Variants in PACSIN2 observed in about 807,000 individuals in gnomAD.
PACSIN2 encodes the protein protein kinase C and casein kinase substrate in neurons protein 2.
PACSIN2 carries 25 observed loss-of-function variants against 63.8 expected under a neutral mutation model. That is an observed-to-expected ratio of 0.39 (90% CI 0.29 to 0.55). The LOEUF is 0.55. PACSIN2 is among the 20% of genes least tolerant of loss of function. PACSIN2 has a pLI of 0.62. For missense variants in PACSIN2, 518 were observed against 646.9 expected, an observed-to-expected ratio of 0.80 and a Z score of 2.16; for synonymous variants, 255 against 256.2, an observed-to-expected ratio of 1.00 and a Z score of 0.05.
At chr22:43,007,139 T>C (rs536828648) in intron 1 of PACSIN2, among the ~76,000 whole-genome samples, 5 of 152,052 alleles carry the variant, frequency 3.3e-5, no homozygotes, top group East Asian at 3.9e-4. Flanking sequence ...CAGTGAACTG[T>C]CCTCCAGGAG....
chr22:42,928,294 TGA>T (rs1312767525), intron 1 of PACSIN2, among the ~76,000 whole-genome samples: 6 of 152,220 alleles, frequency 3.9e-5, no homozygotes, highest in African/African-American at 1.4e-4. Flanking sequence ...GTGCTGAATC[TGA>T]GAGTGCTGTA....
chr22:43,010,394 A>ATT (rs1924388281), intron 1 of PACSIN2, among the ~76,000 whole-genome samples: 1 of 68,180 alleles, frequency 1.5e-5, no homozygotes, highest in African/African-American at 5.9e-5. Flanking sequence ...ACATATATAT[A>ATT]TATATTTTTT....
At position 42,893,695 on chromosome 22, in the gene PACSIN2, C is replaced by G. The variant is rs74469621; in HGVS notation, c.61-82G>C. 3,108 of 1,458,452 alleles carry G rather than the reference C, an allele frequency of 2.1e-3. 56 individuals are homozygous for G. The African/African-American group carries it at 0.037, about 17-fold the overall frequency. 90.3% of individuals were successfully genotyped at this position (1,458,452 alleles called of 1,614,324 possible). ...TGGCACAAATGGCCTCCATGCCAAC[C>G]AGGCCCTGATGCGCCCCTGGGGTCA... On this transcript the variant is annotated intron_variant, in intron 2 of 10. Coordinates refer to ENST00000263246, the MANE Select transcript of PACSIN2 (RefSeq NM_001184970.3).
At chr22:42,977,598 G>A (rs958212385) in intron 1 of PACSIN2, among the ~76,000 whole-genome samples, 1 of 152,212 alleles carries the variant, frequency 6.6e-6, no homozygotes, top group Non-Finnish European at 1.5e-5. Flanking sequence ...AGTAAAAGGG[G>A]TTGATATGGT....
intron 1 of PACSIN2, among the ~76,000 whole-genome samples, chr22:42,944,192 G>C (rs1334030171): frequency 6.6e-6 from 1 of 152,172 alleles, no homozygotes. Flanking sequence ...AATCAGCCTG[G>C]CCTGAGGGAC....
Position 42,893,527 on chromosome 22 carries a change from C to A in PACSIN2, c.147G>T (p.Ala49=), listed in dbSNP as rs368710509. 1 of 1,613,984 alleles carries A rather than the reference C, an allele frequency of 6.2e-7. No homozygotes were observed. The highest frequency in any genetic ancestry group is 1.3e-5 in the African/African-American group (1 of 74,948). ...GCTGCGCATACGCCTTCTCGATGCG[C>A]GCCCGCTCATGCAGGCAGTTCATGA... The part of the protein sequence containing the change: ...SDLMNCLHER[A]RIEKAYAQQL... Residue 49 remains alanine, a synonymous_variant, in exon 3 of 11, where the codon GCG becomes GCT. Transcript: ENST00000263246.
intron 1 of PACSIN2, among the ~76,000 whole-genome samples, chr22:42,918,939 A>G (rs2146738965): frequency 6.6e-6 from 1 of 152,244 alleles, no homozygotes. Flanking sequence ...GGCTTCTGAG[A>G]GCGATTGTTT....
chr22:43,003,902 C>T (rs1211130631), intron 1 of PACSIN2, among the ~76,000 whole-genome samples: 1 of 152,208 alleles, frequency 6.6e-6, no homozygotes, highest in Non-Finnish European at 1.5e-5. Context: ...GCCTTGACCG[C>T]ACCCCAGCAG....
intron 1 of PACSIN2, among the ~76,000 whole-genome samples, chr22:42,990,932 C>T (rs1256286588): frequency 6.6e-6 from 1 of 152,216 alleles, no homozygotes; most frequent in Non-Finnish European, 1.5e-5. Context: ...TGGTCACCTT[C>T]TCTGTGCCTC....
In PACSIN2 at chr22:42,888,768, C is replaced by T; in HGVS notation, c.484G>A (p.Ala162Thr). ...ATAGCCAGCTTCTCCTCTTTGCACGCTGCATGGTGGGCTTTCTTTGCTGCT... is the reference window on the plus strand; with the variant it reads ...ATAGCCAGCTTCTCCTCTTTGCACGTTGCATGGTGGGCTTTCTTTGCTGCT... ...VEAAKKAHHA[A>T]CKEEKLAISR... The change falls in exon 5 of 11, where the codon GCG becomes ACG. Residue 162 changes from alanine to threonine, a missense_variant. Around this residue, in one of 2 missense-constraint regions of PACSIN2, gnomAD observed 507 missense variants for 612.3 expected, o/e 0.83. Coordinates refer to ENST00000263246, the MANE Select transcript of PACSIN2 (RefSeq NM_001184970.3). 1 of 1,614,172 alleles carries T rather than the reference C, an allele frequency of 6.2e-7. No individual in the cohort carries two copies. The highest frequency in any genetic ancestry group is 8.5e-7 in the Non-Finnish European group (1 of 1,180,022).
rs931808729 is a variant in PACSIN2 at position 42,952,332 on chromosome 22, TTTTA to T, written c.-77-40179_-77-40176del. On this transcript the variant is annotated intron_variant, in intron 1 of 10. Transcript: ENST00000263246. ...ATTTATTTATTTATTTATTATTTTA[TTTTA>T]TTTATTTATTTTTTATTTTTAAGTT... Among the ~76,000 whole-genome samples, 119 of 151,822 alleles carry T rather than the reference TTTTA, an allele frequency of 7.8e-4. No individual in the cohort carries two copies. In the South Asian group the frequency reaches 8.7e-3, roughly 11 times the overall value.
At chr22:42,890,465 T>G (rs956777896) in intron 4 of PACSIN2, among the ~76,000 whole-genome samples, 2 of 151,886 alleles carry the variant, frequency 1.3e-5, no homozygotes, top group African/African-American at 2.4e-5. Context: ...GCCCTGTAAT[T>G]CCAGCACTTT....
intron 2 of PACSIN2, chr22:42,909,647 C>T: frequency 2.1e-6 from 1 of 467,262 alleles, no homozygotes; most frequent in Non-Finnish European, 4.4e-6. Context: ...ATGTTCTTGT[C>T]TACTGACATT....
chr22:42,955,033 A>T (rs988500898), intron 1 of PACSIN2, among the ~76,000 whole-genome samples: 2 of 152,008 alleles, frequency 1.3e-5, no homozygotes, highest in African/African-American at 4.8e-5. Flanking sequence ...GTACCTGACA[A>T]ACCACTCCCT....
At chr22:42,953,304 A>C (rs1933779134) in intron 1 of PACSIN2, among the ~76,000 whole-genome samples, 1 of 152,196 alleles carries the variant, frequency 6.6e-6, no homozygotes, top group Non-Finnish European at 1.5e-5. Context: ...AGAGTGAAAA[A>C]AAAATGCAAT....
intron 1 of PACSIN2, among the ~76,000 whole-genome samples, chr22:42,922,035 T>A (rs1447909981): frequency 6.6e-6 from 1 of 152,138 alleles, no homozygotes; most frequent in Admixed American, 6.5e-5. Context: ...CACCCAACCC[T>A]TTTGTTCTAA....
chr22:42,913,316 C>G (rs1931584712), intron 1 of PACSIN2, among the ~76,000 whole-genome samples: 1 of 152,100 alleles, frequency 6.6e-6, no homozygotes, highest in African/African-American at 2.4e-5. Context: ...CCCGTCTCTA[C>G]TAAAAATACA....
intron 6 of PACSIN2, among the ~76,000 whole-genome samples, chr22:42,882,985 T>C (rs989586446): frequency 1.3e-5 from 2 of 152,224 alleles, no homozygotes; most frequent in Admixed American, 1.3e-4. Context: ...ATAGGAGACA[T>C]GCTGGAGTCC....
At chr22:42,935,452 G>A (rs900099065) in intron 1 of PACSIN2, among the ~76,000 whole-genome samples, 1 of 152,108 alleles carries the variant, frequency 6.6e-6, no homozygotes, top group Non-Finnish European at 1.5e-5. Flanking sequence ...TCATGGTCTT[G>A]TCTAGGGTCA....
Sources: allele counts gnomAD v4.1 joint callset (sites outside exome capture counted in the v4.1 genomes callset), GRCh38; gene constraint gnomAD v4.1.1; regional missense constraint gnomAD v4.1.1; transcripts MANE v1.5; gene names NCBI Gene and HGNC (gene_info 2026-07-23, HGNC 2026-07-21).